The following ZNF292 variants were observed in gnomAD, a reference collection of about 807,000 sequenced individuals.
ZNF292 encodes 16 zinc-finger domain protein.
ZNF292 carries 26 observed loss-of-function variants against 217.9 expected under a neutral mutation model. That is an observed-to-expected ratio of 0.12 (90% CI 0.09 to 0.17). ZNF292 has a LOEUF of 0.17. Ranked by LOEUF, ZNF292 falls within the 10% of genes least tolerant of loss-of-function variation. The probability of loss-of-function intolerance (pLI) is 1.00; values close to 1 mark genes in which losing one functional copy is unlikely to be tolerated. For synonymous variants in ZNF292, 1,257 were observed against 1,124.1 expected (o/e 1.12, Z -2.37); for missense variants, 2,904 against 3,175.2 (o/e 0.91, Z 2.05).
chr6:87,181,452 T>C (rs1771471034), intron 1 of ZNF292, among the ~76,000 whole-genome samples: 1 of 152,124 alleles, frequency 6.6e-6, no homozygotes, highest in Non-Finnish European at 1.5e-5. Flanking sequence ...TTTGTGTGTG[T>C]GCCCACTAAG....
At chr6:87,159,425 T>C (rs1286418721) in intron 1 of ZNF292, among the ~76,000 whole-genome samples, 3 of 151,554 alleles carry the variant, frequency 2.0e-5, no homozygotes, top group East Asian at 3.8e-4. Context: ...TGCCCAGGTA[T>C]GATCATAGCA....
At position 87,232,702 on chromosome 6, in the gene ZNF292, C is replaced by T. The variant is rs938333152; in HGVS notation, c.539-623C>T. ...TTATTCATTGATGTTTTAAAAATAACGACATAAAACCCACAGAAGTTTTAT... is the reference window on the plus strand; with the variant it reads ...TTATTCATTGATGTTTTAAAAATAATGACATAAAACCCACAGAAGTTTTAT... On this transcript the variant is annotated intron_variant, in intron 4 of 7. Coordinates refer to ENST00000369577, the MANE Select transcript of ZNF292 (RefSeq NM_015021.3). 3.3e-5 allele frequency among the ~76,000 whole-genome samples: 5 copies of T among 151,954 alleles called. No individual in the cohort carries two copies. The South Asian group carries it at 6.2e-4, about 19-fold the overall frequency.
intron 1 of ZNF292, among the ~76,000 whole-genome samples, chr6:87,165,945 A>G (rs1175298696): frequency 6.6e-6 from 1 of 151,882 alleles, no homozygotes; most frequent in African/African-American, 2.4e-5. Context: ...TTTAGTAGAT[A>G]CTAGGTTTCA....
At chr6:87,169,739 C>T (rs746279421) in intron 1 of ZNF292, 11 of 437,086 alleles carry the variant, frequency 2.5e-5, no homozygotes, top group South Asian at 1.1e-4. Context: ...GTCCACCTCC[C>T]GGGCTCAAGT....
rs1446051059 is a variant in ZNF292, at chr6:87,233,386, C to G, written c.600C>G (p.Ile200Met). 4 of 1,613,172 alleles carry G rather than the reference C, an allele frequency of 2.5e-6. No homozygotes were observed. The Admixed American group carries it at 6.7e-5, about 27-fold the overall frequency. Residue 200 changes from isoleucine to methionine, a missense_variant, in exon 5 of 8, where the codon ATC (isoleucine) becomes ATG (methionine). Physicochemically the swap from Ile to Met is conservative, Grantham distance 10 (BLOSUM62 1). Coordinates refer to ENST00000369577, the MANE Select transcript of ZNF292 (RefSeq NM_015021.3). ...ILLDMRIKHL[I>M]KTNQLSQATA... ...TGGATATGAGAATTAAACATCTAAT[C>G]AAAACAAATCAGTTAAGTCAAGCAA...
chr6:87,162,064 A>T (rs1562116992), intron 1 of ZNF292, among the ~76,000 whole-genome samples: 1 of 152,200 alleles, frequency 6.6e-6, no homozygotes. Flanking sequence ...GTTCATTATC[A>T]GTGGATATTT....
intron 3 of ZNF292, 108 bp downstream of exon 3, chr6:87,216,485 C>T (rs1562147402): frequency 1.3e-6 from 1 of 752,524 alleles, no homozygotes; most frequent in African/African-American, 1.8e-5. Flanking sequence ...TAATGACAGA[C>T]ATTAATTACT....
At chr6:87,234,608 G>C (rs964094380) in intron 5 of ZNF292, among the ~76,000 whole-genome samples, 9 of 151,984 alleles carry the variant, frequency 5.9e-5, no homozygotes, top group African/African-American at 2.2e-4. Flanking sequence ...AGGTTGATCA[G>C]TGTTCAGTGG....
At chr6:87,185,368 G>A (rs1055670782) in intron 1 of ZNF292, among the ~76,000 whole-genome samples, 1 of 152,220 alleles carries the variant, frequency 6.6e-6, no homozygotes, top group Admixed American at 6.5e-5. Flanking sequence ...ATTTAGGATT[G>A]TGTGTTTTGG....
chr6:87,183,951 C>G (rs534654448), intron 1 of ZNF292, among the ~76,000 whole-genome samples: 16 of 152,274 alleles, frequency 1.1e-4, no homozygotes, highest in Non-Finnish European at 1.8e-4. Flanking sequence ...GAGCCAAGAT[C>G]TCAAGAGATT....
At chr6:87,173,443 CT>C (rs1478299545) in intron 1 of ZNF292, 1 of 159,838 alleles carries the variant, frequency 6.3e-6, no homozygotes, top group Non-Finnish European at 1.4e-5. Flanking sequence ...CTTTTTTTTT[CT>C]TTCTATGGTC....
rs190487288 is a variant in ZNF292, at chr6:87,190,680, G to T, written c.169-25223G>T. The stretch of plus-strand genomic sequence containing the variant: ...GTAGAGATGAGATTTTATCATGTTG[G>T]CCAGGCTGGTCTGGAACTCCTGACC... On this transcript the variant is annotated intron_variant, in intron 1 of 7. Transcript: ENST00000369577. Among the ~76,000 whole-genome samples the T allele has an allele frequency of 3.4e-3, 514 of 152,084 alleles. 1 individual carries two copies. Among genetic ancestry groups the T allele is most frequent in the African/African-American group, 0.012 (490 of 41,494 alleles).
At chr6:87,240,158 C>T (rs1375652089) in intron 5 of ZNF292, among the ~76,000 whole-genome samples, 9 of 152,250 alleles carry the variant, frequency 5.9e-5, no homozygotes, top group Admixed American at 3.3e-4. Flanking sequence ...GAGACCAGCC[C>T]GGCCAACACA....
At position 87,256,112 on chromosome 6, in the gene ZNF292, T is replaced by G; in HGVS notation, c.2483T>G (p.Leu828Arg). 1 of 1,613,634 alleles carries G rather than the reference T, an allele frequency of 6.2e-7. No homozygotes were observed. Among genetic ancestry groups the G allele is most frequent in the Non-Finnish European group, 8.5e-7 (1 of 1,179,768 alleles). Reference protein sequence around the residue: ...YRSQGELEKHLDDHSTPPEKV... With the variant: ...YRSQGELEKHRDDHSTPPEKV... Reference sequence around the variant, plus strand: ...TCTCAGGGTGAGCTGGAAAAGCATCTGGATGATCACAGTACTCCTCCTGAA... The same window carrying G: ...TCTCAGGGTGAGCTGGAAAAGCATCGGGATGATCACAGTACTCCTCCTGAA... Residue 828 changes from leucine (L) to arginine (R), a missense_variant, in exon 8 of 8, where the codon CTG becomes CGG. Leu to Arg is a moderately radical substitution (Grantham distance 102). Transcript: ENST00000369577.
Position 87,243,001 on chromosome 6 carries a change from T to A in ZNF292, c.742-474T>A, listed in dbSNP as rs151272842. Among the ~76,000 whole-genome samples, 1,435 of 152,294 alleles carry A rather than the reference T, an allele frequency of 9.4e-3. 18 individuals carry two copies. The highest frequency in any genetic ancestry group is 0.033 in the African/African-American group (1,351 of 41,562). On this transcript the variant is annotated intron_variant, in intron 5 of 7. Transcript: ENST00000369577. ...AAATGCTTCATACTATATTTTTCCC[T>A]CATGAATAGATACGTAGTTTATTAG...
At position 87,257,957 on chromosome 6, in the gene ZNF292, A is replaced by G. The variant is rs199698005; in HGVS notation, c.4328A>G (p.Asn1443Ser). The G allele has an allele frequency of 2.7e-5, 44 of 1,613,948 alleles. No individual in the cohort carries two copies. The East Asian group carries it at 6.0e-4, about 22-fold the overall frequency. ...CAGCAGCCACAACAATCTACCTTCA[A>G]TCCAGAAGCATGTTTTAAAGATCCA... Reference protein sequence around the residue: ...NLQQPQQSTFNPEACFKDPSF... With the variant: ...NLQQPQQSTFSPEACFKDPSF... Residue 1443 changes from asparagine to serine, a missense_variant, in exon 8 of 8, where the codon AAT (asparagine) becomes AGT (serine). By Grantham distance (46) the Asn-to-Ser change is conservative. This residue lies in a region of ZNF292 where 622 missense variants were observed against 573.1 expected (regional missense o/e 1.09). Coordinates refer to ENST00000369577, the MANE Select transcript of ZNF292 (RefSeq NM_015021.3).
At chr6:87,220,761 G>T (rs2127808135) in intron 4 of ZNF292, among the ~76,000 whole-genome samples, 1 of 152,304 alleles carries the variant, frequency 6.6e-6, no homozygotes, top group East Asian at 1.9e-4. Flanking sequence ...GCCCATCTCT[G>T]TGCTGCTTTA....
chr6:87,195,855 C>G (rs1387736015), intron 1 of ZNF292, among the ~76,000 whole-genome samples: 1 of 151,710 alleles, frequency 6.6e-6, no homozygotes, highest in Non-Finnish European at 1.5e-5. Context: ...TGGGGAAACC[C>G]CGTCTCTACT....
At chr6:87,174,765 C>G (rs6909062) in intron 1 of ZNF292, among the ~76,000 whole-genome samples, 390 of 152,198 alleles carry the variant, frequency 2.6e-3, no homozygotes, top group African/African-American at 8.8e-3. Flanking sequence ...ATATATTTCT[C>G]TGGAATCATG....
Sources: gnomAD v4.1 joint callset for allele counts (sites outside exome capture counted in the v4.1 genomes callset) on GRCh38, gnomAD v4.1.1 for gene constraint, gnomAD v4.1.1 regional missense constraint, MANE v1.5 for transcripts, NCBI Gene and HGNC (gene_info 2026-07-23, HGNC 2026-07-21) for gene names.